Variants in SLMAP observed in about 807,000 individuals in gnomAD.
The protein encoded by SLMAP is sarcolemma associated protein, also known as sarcolemmal membrane-associated protein.
Under a neutral mutation model 128.8 loss-of-function variants are expected in SLMAP, and 44 were observed. That is an observed-to-expected ratio of 0.34 (90% CI 0.27 to 0.44). SLMAP has a LOEUF of 0.44. SLMAP is among the 20% of genes least tolerant of loss of function. SLMAP has a pLI of 1.00. For missense variants in SLMAP, 787 were observed against 985.3 expected, an observed-to-expected ratio of 0.80 and a Z score of 2.69; for synonymous variants, 327 against 348.8, an observed-to-expected ratio of 0.94 and a Z score of 0.70.
intron 15 of SLMAP, among the ~76,000 whole-genome samples, chr3:57,894,443 A>T (rs972090895): frequency 6.6e-5 from 10 of 152,234 alleles, no homozygotes; most frequent in African/African-American, 2.2e-4. Context: ...AGTGAGCATT[A>T]TGTATCGCAT....
chr3:57,785,234 C>T (rs1202897268), intron 2 of SLMAP, among the ~76,000 whole-genome samples: 1 of 152,100 alleles, frequency 6.6e-6, no homozygotes, highest in Non-Finnish European at 1.5e-5. Context: ...AGGGATTACA[C>T]CAGTCATAAT....
intron 14 of SLMAP, among the ~76,000 whole-genome samples, chr3:57,885,388 GTTGTT>G (rs1186477809): frequency 6.2e-5 from 9 of 145,846 alleles, no homozygotes; most frequent in Admixed American, 1.4e-4. Context: ...TGTTGTTGTT[GTTGTT>G]TTGTTTTGTT....
At chr3:57,847,103 A>G (rs1287223457) in intron 4 of SLMAP, 94 bp from the exon 5 acceptor site, 28 of 750,914 alleles carry the variant, frequency 3.7e-5, no homozygotes, top group Non-Finnish European at 6.4e-5. Flanking sequence ...AGGCAAATGT[A>G]TAAACTTTGT....
At chr3:57,908,261 T>A (rs112442549) in intron 18 of SLMAP, among the ~76,000 whole-genome samples, 2 of 152,230 alleles carry the variant, frequency 1.3e-5, no homozygotes, top group African/African-American at 2.4e-5. Flanking sequence ...ATCTTAATAG[T>A]TAATTGCATA....
intron 6 of SLMAP, among the ~76,000 whole-genome samples, chr3:57,857,152 CA>C (rs2094831255): frequency 1.3e-5 from 2 of 151,922 alleles, no homozygotes; most frequent in African/African-American, 4.8e-5. Flanking sequence ...AAAAAGAAAA[CA>C]AAAAACAGGT....
intron 22 of SLMAP, chr3:57,918,585 CTCTT>C (rs1359733483): frequency 3.3e-5 from 5 of 152,130 alleles, no homozygotes; most frequent in African/African-American, 1.2e-4. Context: ...TGAAATTGCT[CTCTT>C]TCTGTTTGTC....
intron 3 of SLMAP, among the ~76,000 whole-genome samples, chr3:57,839,434 ATTT>A (rs1189313640): frequency 1.2e-5 from 1 of 82,866 alleles, no homozygotes; most frequent in Non-Finnish European, 2.3e-5. Flanking sequence ...CATTAGCTCT[ATTT>A]TTTTTTTTTT....
At chr3:57,841,012 A>C (rs191128670) in intron 3 of SLMAP, among the ~76,000 whole-genome samples, 17 of 152,338 alleles carry the variant, frequency 1.1e-4, no homozygotes, top group African/African-American at 3.6e-4. Context: ...TTTCCCCCTC[A>C]CAATTTTATT....
At chr3:57,808,232 T>C (rs1411516729) in intron 2 of SLMAP, among the ~76,000 whole-genome samples, 1 of 152,100 alleles carries the variant, frequency 6.6e-6, no homozygotes, top group African/African-American at 2.4e-5. Flanking sequence ...GTTTTTTTTG[T>C]AGGGTTTTTT....
At chr3:57,850,778 C>G (rs528775679) in intron 6 of SLMAP, among the ~76,000 whole-genome samples, 1 of 152,246 alleles carries the variant, frequency 6.6e-6, no homozygotes, top group East Asian at 1.9e-4. Flanking sequence ...GGACTACAGG[C>G]ATCCACCACC....
chr3:57,770,081 AGT>A (rs2080524471), intron 2 of SLMAP, among the ~76,000 whole-genome samples: 1 of 152,254 alleles, frequency 6.6e-6, no homozygotes, highest in Non-Finnish European at 1.5e-5. Context: ...ATTAGAAGAC[AGT>A]ATTCATTTAA....
intron 2 of SLMAP, among the ~76,000 whole-genome samples, chr3:57,827,938 C>G (rs1442046172): frequency 6.6e-6 from 1 of 152,184 alleles, no homozygotes; most frequent in African/African-American, 2.4e-5. Flanking sequence ...TAGGCCCTTG[C>G]AAACAGTTTA....
intron 14 of SLMAP, among the ~76,000 whole-genome samples, chr3:57,874,687 G>A (rs938351409): frequency 3.3e-5 from 5 of 151,770 alleles, no homozygotes; most frequent in African/African-American, 4.8e-5. Flanking sequence ...TGTTGAAACC[G>A]CATCTCTACT....
At chr3:57,889,475 C>G (rs965796240) in intron 14 of SLMAP, among the ~76,000 whole-genome samples, 3 of 152,086 alleles carry the variant, frequency 2.0e-5, no homozygotes, top group Non-Finnish European at 4.4e-5. Flanking sequence ...TTCAATGAAA[C>G]GTGGAATATG....
chr3:57,878,030 A>T (rs2095645831), intron 14 of SLMAP, among the ~76,000 whole-genome samples: 1 of 151,262 alleles, frequency 6.6e-6, no homozygotes, highest in Non-Finnish European at 1.5e-5. Flanking sequence ...TTTAGTAAAG[A>T]TGGGGTTTCA....
chr3:57,869,023 GTATTATATATATAATATA>G (rs2095400860), intron 13 of SLMAP, among the ~76,000 whole-genome samples: 1 of 133,320 alleles, frequency 7.5e-6, no homozygotes, highest in South Asian at 2.3e-4. Context: ...TATTATATGT[GTATTATATATATAATATA>G]TATTATATAT....
chr3:57,889,099 T>C (rs928937184), intron 14 of SLMAP, among the ~76,000 whole-genome samples: 1 of 152,190 alleles, frequency 6.6e-6, no homozygotes. Flanking sequence ...TTAGCCAGGA[T>C]GGTCTCTGTC....
At chr3:57,778,198 T>C (rs375723922) in intron 2 of SLMAP, among the ~76,000 whole-genome samples, 4 of 152,210 alleles carry the variant, frequency 2.6e-5, no homozygotes, top group East Asian at 3.8e-4. Flanking sequence ...CTATTTTTTC[T>C]TGAGTTAACT....
At chr3:57,925,300 C>G (rs1298852727) in intron 23 of SLMAP, among the ~76,000 whole-genome samples, 2 of 150,864 alleles carry the variant, frequency 1.3e-5, no homozygotes, top group African/African-American at 4.9e-5. Context: ...TTAGGTACAC[C>G]CACATTGCCC....
Sources: gnomAD v4.1 joint callset for allele counts (sites outside exome capture counted in the v4.1 genomes callset) on GRCh38, gnomAD v4.1.1 for gene constraint, MANE v1.5 for transcripts, NCBI Gene and HGNC (gene_info 2026-07-23, HGNC 2026-07-21) for gene names.